CSMD3: variants seen among roughly 807,000 people sequenced by gnomAD.
CSMD3 encodes the protein CUB and Sushi multiple domains 3.
A neutral mutation model predicts 435.2 loss-of-function variants in CSMD3; 177 were observed. That is an observed-to-expected ratio of 0.41 (90% confidence interval 0.36 to 0.46). The LOEUF is 0.46. CSMD3 is among the 20% of genes least tolerant of loss of function. CSMD3 has a pLI of 0.34. For synonymous variants in CSMD3, 1,656 were observed against 1,520.5 expected (o/e 1.09, Z -2.07); for missense variants, 4,265 against 4,504.6 (o/e 0.95, Z 1.52).
chr8:112,466,559 A>T (rs905368027), intron 32 of CSMD3, among the ~76,000 whole-genome samples: 2 of 152,214 alleles, frequency 1.3e-5, no homozygotes, highest in African/African-American at 4.8e-5. Flanking sequence ...CTACATTAGC[A>T]TGTATTTAAA....
chr8:113,079,590 G>A (rs1165531507), intron 5 of CSMD3, among the ~76,000 whole-genome samples: 1 of 152,036 alleles, frequency 6.6e-6, no homozygotes, highest in Admixed American at 6.6e-5. Flanking sequence ...CTTTTTGAGT[G>A]CTAGGACTGA....
At chr8:113,263,568 T>G (rs1396325292) in intron 3 of CSMD3, among the ~76,000 whole-genome samples, 6 of 151,898 alleles carry the variant, frequency 4.0e-5, no homozygotes, top group Admixed American at 1.3e-4. Context: ...GAACTAAAAT[T>G]ATACTCCCCC....
At chr8:112,723,606 T>C (rs1323187438) in intron 13 of CSMD3, among the ~76,000 whole-genome samples, 2 of 152,156 alleles carry the variant, frequency 1.3e-5, no homozygotes, top group Non-Finnish European at 2.9e-5. Flanking sequence ...CTGCATTACA[T>C]GTGTTTCAGA....
At chr8:113,266,825 T>C (rs981821684) in intron 3 of CSMD3, among the ~76,000 whole-genome samples, 11 of 151,588 alleles carry the variant, frequency 7.3e-5, no homozygotes, top group Non-Finnish European at 1.6e-4. Flanking sequence ...TTTCAATGTA[T>C]ATTCTTTATT....
chr8:112,552,853 T>C (rs1274280779), intron 25 of CSMD3, 133 bp from the exon 26 acceptor site: 3 of 754,608 alleles, frequency 4.0e-6, no homozygotes, highest in Admixed American at 2.5e-5. Context: ...GTATAAACTT[T>C]TAAAGTATCA....
chr8:112,831,744 C>A (rs749710116), intron 11 of CSMD3, among the ~76,000 whole-genome samples: 26 of 152,040 alleles, frequency 1.7e-4, no homozygotes, highest in Non-Finnish European at 2.6e-4. Context: ...TGAAAACATT[C>A]CATTATAGCA....
At chr8:113,364,032 T>C (rs2094295222) in intron 1 of CSMD3, among the ~76,000 whole-genome samples, 1 of 152,170 alleles carries the variant, frequency 6.6e-6, no homozygotes, top group African/African-American at 2.4e-5. Flanking sequence ...CTTTTTTGAG[T>C]TAATTTCTAT....
intron 14 of CSMD3, 63 bp downstream of exon 14, chr8:112,689,805 A>C (rs1337234989): frequency 2.8e-6 from 4 of 1,418,156 alleles, no homozygotes; most frequent in Non-Finnish European, 4.0e-6. Flanking sequence ...TTAATTACAA[A>C]AGCAATTATA....
intron 10 of CSMD3, among the ~76,000 whole-genome samples, chr8:112,886,225 T>TA (rs2081593541): frequency 6.6e-6 from 1 of 151,746 alleles, no homozygotes; most frequent in South Asian, 2.1e-4. Flanking sequence ...AATTGCTTAG[T>TA]AAAAAAATTG....
At chr8:113,053,315 C>A (rs1271347045) in intron 5 of CSMD3, among the ~76,000 whole-genome samples, 1 of 151,876 alleles carries the variant, frequency 6.6e-6, no homozygotes, top group Non-Finnish European at 1.5e-5. Flanking sequence ...CTAATTTTAG[C>A]TTTGTACTGG....
chr8:112,294,393 A>T (rs573770605), intron 54 of CSMD3, among the ~76,000 whole-genome samples: 112 of 152,246 alleles, frequency 7.4e-4, no homozygotes, highest in African/African-American at 2.6e-3. Flanking sequence ...ACATATTTAC[A>T]GTACTTATTT....
At chr8:112,961,287 C>T (rs1304381417) in intron 7 of CSMD3, among the ~76,000 whole-genome samples, 1 of 151,810 alleles carries the variant, frequency 6.6e-6, no homozygotes, top group African/African-American at 2.4e-5. Context: ...TATCTATGTT[C>T]TCTGAATTTC....
intron 1 of CSMD3, among the ~76,000 whole-genome samples, chr8:113,411,908 T>C (rs765714151): frequency 2.0e-5 from 3 of 152,030 alleles, no homozygotes; most frequent in Non-Finnish European, 4.4e-5. Flanking sequence ...TTCAGCACAG[T>C]AGTTAAGAAT....
intron 4 of CSMD3, among the ~76,000 whole-genome samples, chr8:113,168,389 C>T (rs1410802545): frequency 6.6e-6 from 1 of 151,638 alleles, no homozygotes; most frequent in African/African-American, 2.4e-5. Flanking sequence ...AGTGTGGTGG[C>T]ACACGCCTGT....
chr8:113,255,903 A>C (rs2093376343), intron 3 of CSMD3, among the ~76,000 whole-genome samples: 1 of 152,008 alleles, frequency 6.6e-6, no homozygotes, highest in Non-Finnish European at 1.5e-5. Context: ...ATTATTTTAC[A>C]GTGTCAATAA....
chr8:112,245,976 T>G (rs1389958766), intron 64 of CSMD3, among the ~76,000 whole-genome samples: 1 of 152,202 alleles, frequency 6.6e-6, no homozygotes, highest in Non-Finnish European at 1.5e-5. Flanking sequence ...TTGAGATGCT[T>G]CACAGTGACA....
intron 16 of CSMD3, among the ~76,000 whole-genome samples, chr8:112,673,486 C>T (rs1363597407): frequency 2.0e-5 from 3 of 152,038 alleles, no homozygotes; most frequent in East Asian, 1.9e-4. Context: ...CACCTAAATA[C>T]TTAACTAAAG....
intron 13 of CSMD3, among the ~76,000 whole-genome samples, chr8:112,761,637 A>C (rs932348246): frequency 1.3e-5 from 2 of 152,080 alleles, no homozygotes; most frequent in African/African-American, 4.8e-5. Flanking sequence ...TTTTTTTTTA[A>C]GTCTGTGCTT....
chr8:112,826,964 A>G (rs1343248840), intron 12 of CSMD3, among the ~76,000 whole-genome samples: 2 of 151,814 alleles, frequency 1.3e-5, no homozygotes, highest in Non-Finnish European at 2.9e-5. Flanking sequence ...ATCAGAATTC[A>G]TGATTGTCTT....
Sources: gnomAD v4.1 joint callset for allele counts (sites outside exome capture counted in the v4.1 genomes callset) on GRCh38, gnomAD v4.1.1 for gene constraint, MANE v1.5 for transcripts, NCBI Gene and HGNC (gene_info 2026-07-23, HGNC 2026-07-21) for gene names.